Variants in DNAAF11 observed in about 807,000 individuals in gnomAD.
The protein encoded by DNAAF11 is dynein axonemal assembly factor 11, also known as leucine rich repeat containing 6.
In DNAAF11, 45 loss-of-function variants were observed where a neutral mutation model predicts 60.8. The ratio of observed to expected loss-of-function variants is 0.74; its 90% CI spans 0.58 to 0.95. DNAAF11 has a LOEUF of 0.95. Among genes scored for constraint, DNAAF11 ranks in the 40% least tolerant of loss-of-function variants. The pLI, the probability that DNAAF11 is intolerant of heterozygous loss-of-function variation, is 0.00. For missense variants in DNAAF11, 546 were observed against 546.2 expected (o/e 1.00, Z 0.00); for synonymous variants, 191 against 183.5 (o/e 1.04, Z -0.33).
At chr8:132,674,030 G>A (rs552149708) in intron 1 of DNAAF11, among the ~76,000 whole-genome samples, 1 of 151,062 alleles carries the variant, frequency 6.6e-6, no homozygotes, top group African/African-American at 2.4e-5. Flanking sequence ...AGAAGGAGCA[G>A]GAGGAGCAGG....
chr8:132,658,357 C>G (rs1353301337), intron 2 of DNAAF11, among the ~76,000 whole-genome samples: 2 of 152,124 alleles, frequency 1.3e-5, no homozygotes, highest in African/African-American at 4.8e-5. Context: ...GAGTCTCACT[C>G]TGTTGCCCAG....
chr8:132,603,619 T>C (rs753097499), intron 10 of DNAAF11, among the ~76,000 whole-genome samples: 4 of 151,830 alleles, frequency 2.6e-5, no homozygotes, highest in Non-Finnish European at 4.4e-5. Flanking sequence ...GGGGAGGACA[T>C]AATGCCTAAT....
At chr8:132,660,802 G>A (rs576874850) in intron 2 of DNAAF11, among the ~76,000 whole-genome samples, 1 of 152,312 alleles carries the variant, frequency 6.6e-6, no homozygotes, top group South Asian at 2.1e-4. Flanking sequence ...ACCTGGGGAG[G>A]AGAAACTTGT....
intron 7 of DNAAF11, among the ~76,000 whole-genome samples, chr8:132,619,542 A>G (rs1051052861): frequency 6.6e-6 from 1 of 152,196 alleles, no homozygotes; most frequent in African/African-American, 2.4e-5. Flanking sequence ...CGAACACTGA[A>G]TGTGGAAATA....
At chr8:132,640,639 T>C (rs1325470368) in intron 3 of DNAAF11, among the ~76,000 whole-genome samples, 1 of 152,156 alleles carries the variant, frequency 6.6e-6, no homozygotes, top group Non-Finnish European at 1.5e-5. Context: ...CTTCTTCATG[T>C]CATTAACCAA....
intron 3 of DNAAF11, among the ~76,000 whole-genome samples, chr8:132,649,150 G>C (rs1177341879): frequency 6.6e-6 from 1 of 152,102 alleles, no homozygotes; most frequent in South Asian, 2.1e-4. Flanking sequence ...AAACAGCATG[G>C]TACTGGTACC....
chr8:132,594,198 A>C (rs538956175), intron 10 of DNAAF11, among the ~76,000 whole-genome samples: 3 of 152,182 alleles, frequency 2.0e-5, no homozygotes, highest in Non-Finnish European at 4.4e-5. Flanking sequence ...ATTTGTTGTA[A>C]TATTTATTTA....
intron 5 of DNAAF11, among the ~76,000 whole-genome samples, chr8:132,631,392 A>C (rs1036887217): frequency 2.0e-5 from 3 of 152,182 alleles, no homozygotes; most frequent in Non-Finnish European, 4.4e-5. Context: ...CTCTGGGATA[A>C]ATTGTAATTT....
At chr8:132,640,720 C>T (rs1212544064) in intron 3 of DNAAF11, among the ~76,000 whole-genome samples, 2 of 152,066 alleles carry the variant, frequency 1.3e-5, no homozygotes, top group African/African-American at 2.4e-5. Context: ...ATCCATACCC[C>T]AGGTTCTTAT....
rs1286960776 is a variant in DNAAF11 at position 132,638,125 on chromosome 8, G to C, written c.257-18C>G. On this transcript the variant is annotated intron_variant, in intron 3 of 11. Transcript: ENST00000620350. ...TTCACATCCTGTTGAGAAAAATAAA[G>C]TGAAAACAAAGCAAACAAAGAAAAA... is the stretch of plus-strand genomic sequence containing the variant. 6 of 1,606,264 alleles carry C rather than the reference G, an allele frequency of 3.7e-6. No homozygotes were observed. The highest frequency in any genetic ancestry group is 5.1e-6 in the Non-Finnish European group (6 of 1,175,558).
At chr8:132,583,515 G>C (rs1815547931) in intron 11 of DNAAF11, among the ~76,000 whole-genome samples, 179 bp downstream of exon 11, 2 of 152,250 alleles carry the variant, frequency 1.3e-5, no homozygotes, top group South Asian at 2.1e-4. Flanking sequence ...TTTGATTTTA[G>C]GGATGAGGAG....
the DNAAF11 span, among the ~76,000 whole-genome samples, chr8:132,693,550 C>T: frequency 1.3e-5 from 2 of 151,262 alleles, no homozygotes; most frequent in African/African-American, 4.9e-5. Context: ...ACAACTAGAA[C>T]AAAAAAGAGT....
chr8:132,687,227 A>G, the DNAAF11 span, among the ~76,000 whole-genome samples: 1 of 152,210 alleles, frequency 6.6e-6, no homozygotes, highest in Admixed American at 6.5e-5. Flanking sequence ...GGCTATATAT[A>G]TTTACAGTTA....
intron 4 of DNAAF11, among the ~76,000 whole-genome samples, chr8:132,636,696 A>G (rs1418577132): frequency 6.6e-6 from 1 of 152,184 alleles, no homozygotes; most frequent in African/African-American, 2.4e-5. Flanking sequence ...TACAAGATCT[A>G]GTCCTATGAT....
Position 132,654,698 on chromosome 8 carries a change from CA to C in DNAAF11, c.256+2131del, listed in dbSNP as rs34749688. On this transcript the variant is annotated intron_variant, in intron 3 of 11. Transcript: ENST00000620350. ...ACTAATAGGTTAAAGAAAAAAATTG[CA>C]AAAAAAAAAAATCAGAAAATACTTT... Among the ~76,000 whole-genome samples, 1,220 of 133,806 alleles carry C rather than the reference CA, an allele frequency of 9.1e-3. 17 individuals carry two copies. The highest frequency in any genetic ancestry group is 0.025 in the African/African-American group (912 of 36,772). 87.8% of individuals were successfully genotyped at this position (133,806 alleles called of 152,430 possible).
chr8:132,665,373 C>G (rs765476612), intron 1 of DNAAF11, among the ~76,000 whole-genome samples: 1 of 152,106 alleles, frequency 6.6e-6, no homozygotes, highest in Non-Finnish European at 1.5e-5. Flanking sequence ...GTCCAAGGAG[C>G]ATTATTCGCC....
chr8:132,631,278 C>T (rs1820769498), intron 5 of DNAAF11, among the ~76,000 whole-genome samples: 1 of 152,154 alleles, frequency 6.6e-6, no homozygotes, highest in South Asian at 2.1e-4. Flanking sequence ...TCCAGGCTGA[C>T]CAGCTGGCAC....
chr8:132,639,665 T>C (rs1563667220), intron 3 of DNAAF11, among the ~76,000 whole-genome samples: 1 of 152,160 alleles, frequency 6.6e-6, no homozygotes, highest in African/African-American at 2.4e-5. Context: ...CTCAATCTTG[T>C]CCAGAATTCC....
chr8:132,637,471 G>T (rs775176143), intron 4 of DNAAF11, among the ~76,000 whole-genome samples: 2 of 152,176 alleles, frequency 1.3e-5, no homozygotes, highest in Non-Finnish European at 2.9e-5. Context: ...CAGACATGGT[G>T]GCACATGCCT....
Sources: gnomAD v4.1 joint callset for allele counts (sites outside exome capture counted in the v4.1 genomes callset) on GRCh38, gnomAD v4.1.1 for gene constraint, MANE v1.5 for transcripts, NCBI Gene and HGNC (gene_info 2026-07-23, HGNC 2026-07-21) for gene names.